Variants in FUT9 observed in about 807,000 individuals in gnomAD.
The protein encoded by FUT9 is fucosyltransferase 9.
Under a neutral mutation model 29.7 loss-of-function variants are expected in FUT9, and 15 were observed. The ratio of observed to expected loss-of-function variants is 0.51; its 90% CI spans 0.34 to 0.78. The LOEUF (loss-of-function observed/expected upper bound fraction) is 0.78. FUT9 is among the 30% of genes least tolerant of loss of function. The pLI, the probability that FUT9 is intolerant of heterozygous loss-of-function variation, is 0.01. For synonymous variants in FUT9, 169 were observed against 153.7 expected, an observed-to-expected ratio of 1.10 and a Z score of -0.74; for missense variants, 319 against 425.4, an observed-to-expected ratio of 0.75 and a Z score of 2.20.
intron 2 of FUT9, among the ~76,000 whole-genome samples, chr6:96,175,972 G>A (rs1773195631): frequency 6.6e-6 from 1 of 152,200 alleles, no homozygotes; most frequent in Non-Finnish European, 1.5e-5. Context: ...TGAGGGCCCA[G>A]ACAGAACAAA....
At chr6:96,188,246 TCTC>T (rs1208656162) in intron 2 of FUT9, among the ~76,000 whole-genome samples, 3 of 152,094 alleles carry the variant, frequency 2.0e-5, no homozygotes, top group Non-Finnish European at 2.9e-5. Context: ...TCATTTTCTC[TCTC>T]TTTTGTGTGT....
intron 2 of FUT9, among the ~76,000 whole-genome samples, chr6:96,139,600 T>G: frequency 6.6e-6 from 1 of 152,168 alleles, no homozygotes; most frequent in Admixed American, 6.6e-5. Context: ...TGCGGCAAAC[T>G]TCTGCCTGGA....
At chr6:96,171,397 G>A (rs1026981579) in intron 2 of FUT9, among the ~76,000 whole-genome samples, 2 of 152,152 alleles carry the variant, frequency 1.3e-5, no homozygotes, top group African/African-American at 4.8e-5. Flanking sequence ...GCACTGTTGG[G>A]TTCCAACTGC....
intron 1 of FUT9, among the ~76,000 whole-genome samples, chr6:96,043,955 CTT>C (rs1770513437): frequency 6.6e-6 from 1 of 152,260 alleles, no homozygotes; most frequent in East Asian, 1.9e-4. Flanking sequence ...TGGCCTTTGA[CTT>C]TATTTGATTT....
At chr6:96,152,845 T>G (rs773431992) in intron 2 of FUT9, among the ~76,000 whole-genome samples, 21 of 152,204 alleles carry the variant, frequency 1.4e-4, no homozygotes, top group Non-Finnish European at 2.9e-4. Context: ...TTGCTAAAAA[T>G]GCATATATAT....
At chr6:96,109,546 C>CA (rs1486952510) in intron 1 of FUT9, among the ~76,000 whole-genome samples, 2 of 152,110 alleles carry the variant, frequency 1.3e-5, no homozygotes, top group Admixed American at 1.3e-4. Flanking sequence ...AATGATGACT[C>CA]AATGATGCAT....
intron 2 of FUT9, among the ~76,000 whole-genome samples, chr6:96,150,694 A>G (rs1772660199): frequency 6.6e-6 from 1 of 152,214 alleles, no homozygotes; most frequent in South Asian, 2.1e-4. Context: ...ACGTGCCACT[A>G]AAAATTGCCC....
intron 1 of FUT9, among the ~76,000 whole-genome samples, chr6:96,106,551 T>A (rs1323318325): frequency 6.6e-6 from 1 of 152,172 alleles, no homozygotes; most frequent in South Asian, 2.1e-4. Flanking sequence ...TGACTTTACC[T>A]CTTATCTCCT....
intron 2 of FUT9, among the ~76,000 whole-genome samples, chr6:96,174,682 T>C (rs1562152485): frequency 6.6e-6 from 1 of 152,116 alleles, no homozygotes; most frequent in African/African-American, 2.4e-5. Context: ...TGTGCTTTTA[T>C]TTGGAACCAG....
chr6:96,136,582 C>T (rs139469607), intron 2 of FUT9, among the ~76,000 whole-genome samples: 166 of 151,960 alleles, frequency 1.1e-3, no homozygotes, highest in African/African-American at 3.6e-3. Flanking sequence ...CATTGGCAAT[C>T]CTTTTGAATA....
intron 2 of FUT9, among the ~76,000 whole-genome samples, chr6:96,169,136 A>G (rs1773066443): frequency 6.6e-6 from 1 of 152,202 alleles, no homozygotes; most frequent in Non-Finnish European, 1.5e-5. Context: ...GATGCCCTAC[A>G]CTGTCCACTA....
At chr6:96,112,146 T>C (rs1771820575) in intron 1 of FUT9, among the ~76,000 whole-genome samples, 1 of 152,186 alleles carries the variant, frequency 6.6e-6, no homozygotes, top group Admixed American at 6.5e-5. Flanking sequence ...AGGAGACACT[T>C]TGAAGTCAGG....
In FUT9 at chr6:96,062,663, T is replaced by C. The variant is rs193058479; in HGVS notation, c.-98+46451T>C. 4.5e-3 allele frequency among the ~76,000 whole-genome samples: 684 copies of C among 152,286 alleles called. 7 individuals are homozygous for C. Among genetic ancestry groups the C allele is most frequent in the African/African-American group, 0.016 (651 of 41,562 alleles). On this transcript the variant is annotated intron_variant, in intron 1 of 2. Coordinates refer to ENST00000302103, the MANE Select transcript of FUT9 (RefSeq NM_006581.4). Reference sequence around the variant, plus strand: ...AGAGGAAAACCTACATACCTAGGGTTTAACACTGCATAGTGAAATTTCAGA... The same window carrying C: ...AGAGGAAAACCTACATACCTAGGGTCTAACACTGCATAGTGAAATTTCAGA...
intron 1 of FUT9, among the ~76,000 whole-genome samples, chr6:96,103,649 C>G (rs1771627622): frequency 6.6e-6 from 1 of 152,162 alleles, no homozygotes; most frequent in Admixed American, 6.6e-5. Flanking sequence ...TCTGTTTCTT[C>G]TTTAATAGAC....
rs1322427283 is a variant in FUT9, at chr6:96,203,845, T to A, written c.690T>A (p.Asn230Lys). The A allele has an allele frequency of 6.2e-7, 1 of 1,611,676 alleles. No individual in the cohort carries two copies. Among genetic ancestry groups the A allele is most frequent in the Admixed American group, 1.7e-5 (1 of 59,848 alleles). Residue 230 changes from asparagine (N) to lysine (K), a missense_variant, in exon 3 of 3, where the codon AAT becomes AAA. Physicochemically the swap from Asn to Lys is moderately conservative, Grantham distance 94. Transcript: ENST00000302103. ...QAFGEYVNDK[N>K]LIPTISTCKF... ...TTGGAGAATATGTCAATGATAAAAA[T>A]TTGATTCCTACCATATCTACTTGTA... is the stretch of plus-strand genomic sequence containing the variant.
At chr6:96,042,210 G>A (rs1002849707) in intron 1 of FUT9, among the ~76,000 whole-genome samples, 1 of 152,072 alleles carries the variant, frequency 6.6e-6, no homozygotes, top group Non-Finnish European at 1.5e-5. Context: ...GTCTATAGGG[G>A]CATCATCACA....
chr6:96,169,104 G>A (rs1401698337), intron 2 of FUT9, among the ~76,000 whole-genome samples: 1 of 152,202 alleles, frequency 6.6e-6, no homozygotes. Flanking sequence ...GAGTACCAAG[G>A]CGCTGAAGGA....
At chr6:96,154,258 T>C (rs1772733876) in intron 2 of FUT9, among the ~76,000 whole-genome samples, 1 of 152,226 alleles carries the variant, frequency 6.6e-6, no homozygotes, top group South Asian at 2.1e-4. Flanking sequence ...AGCAAAATCA[T>C]TTTCACAAAT....
chr6:96,085,699 C>T (rs1771304907), intron 1 of FUT9, among the ~76,000 whole-genome samples: 1 of 152,112 alleles, frequency 6.6e-6, no homozygotes, highest in Non-Finnish European at 1.5e-5. Context: ...TTCAACTTCC[C>T]TTATCTTGGC....
Sources: gnomAD v4.1 joint callset for allele counts (sites outside exome capture counted in the v4.1 genomes callset) on GRCh38, gnomAD v4.1.1 for gene constraint, MANE v1.5 for transcripts, NCBI Gene and HGNC (gene_info 2026-07-23, HGNC 2026-07-21) for gene names.